NKAIN3: variants seen among roughly 807,000 people sequenced by gnomAD.
The protein encoded by NKAIN3 is sodium/potassium transporting ATPase interacting 3, also known as sodium/potassium-transporting ATPase subunit beta-1-interacting protein 3.
NKAIN3 carries 25 observed loss-of-function variants against 30.2 expected under a neutral mutation model. The ratio of observed to expected loss-of-function variants is 0.83; its 90% CI spans 0.60 to 1.16. NKAIN3 has a LOEUF of 1.16. Ranked by LOEUF, NKAIN3 falls within the 50% of genes most tolerant of loss-of-function variation. NKAIN3 has a pLI of 0.00. For synonymous variants in NKAIN3, 91 were observed against 89.6 expected, an observed-to-expected ratio of 1.02 and a Z score of -0.09; for missense variants, 225 against 254.1, an observed-to-expected ratio of 0.89 and a Z score of 0.78.
At chr8:62,270,185 T>A (rs1002312704) in intron 1 of NKAIN3, among the ~76,000 whole-genome samples, 3 of 152,102 alleles carry the variant, frequency 2.0e-5, no homozygotes, top group Non-Finnish European at 4.4e-5. Context: ...GCTCAAGTGA[T>A]CCTCCCACCT....
intron 3 of NKAIN3, among the ~76,000 whole-genome samples, chr8:62,705,712 T>C (rs1381846154): frequency 6.6e-6 from 1 of 152,192 alleles, no homozygotes; most frequent in Non-Finnish European, 1.5e-5. Flanking sequence ...ATCTTTCTAT[T>C]GAATTTTTCG....
At chr8:62,783,797 AT>A (rs1817431821) in intron 4 of NKAIN3, among the ~76,000 whole-genome samples, 1 of 151,594 alleles carries the variant, frequency 6.6e-6, no homozygotes, top group East Asian at 2.0e-4. Context: ...TAAATTTTTT[AT>A]TTTTTTGTGG....
At chr8:62,435,985 T>G (rs1805161150) in intron 1 of NKAIN3, among the ~76,000 whole-genome samples, 1 of 152,200 alleles carries the variant, frequency 6.6e-6, no homozygotes, top group South Asian at 2.1e-4. Flanking sequence ...CACAATTAAT[T>G]GTACTCTATT....
At chr8:62,806,501 G>T (rs1818286961) in intron 4 of NKAIN3, among the ~76,000 whole-genome samples, 2 of 152,168 alleles carry the variant, frequency 1.3e-5, no homozygotes, top group Non-Finnish European at 2.9e-5. Flanking sequence ...CATGTCCTTT[G>T]TAGGGACATG....
chr8:62,882,253 AGT>A (rs1401399749), intron 4 of NKAIN3, among the ~76,000 whole-genome samples: 3 of 152,158 alleles, frequency 2.0e-5, no homozygotes, highest in African/African-American at 7.2e-5. Flanking sequence ...ATTTTAATTA[AGT>A]TCAGCTTATA....
chr8:62,635,154 A>C (rs1256772939), intron 3 of NKAIN3, among the ~76,000 whole-genome samples: 1 of 152,124 alleles, frequency 6.6e-6, no homozygotes, highest in Non-Finnish European at 1.5e-5. Context: ...CATCCGAAGA[A>C]TAAAAAATAA....
intron 4 of NKAIN3, among the ~76,000 whole-genome samples, chr8:62,883,277 T>G (rs578250619): frequency 1.3e-5 from 2 of 152,252 alleles, no homozygotes; most frequent in South Asian, 4.1e-4. Flanking sequence ...TTGTGCATAT[T>G]TTGTTAGATT....
At position 62,736,211 on chromosome 8, in the gene NKAIN3, T is replaced by C. The variant is rs181784178; in HGVS notation, c.274-10721T>C. Among the ~76,000 whole-genome samples, 422 of 152,292 alleles carry C rather than the reference T, an allele frequency of 2.8e-3. 3 individuals are homozygous for C. The highest frequency in any genetic ancestry group is 9.8e-3 in the African/African-American group (407 of 41,570). ...TGCCCTAGGGTCACCTGGATAAGTTTCTCAGGTAGTGGGCAGGATCATAGA... is the reference window on the plus strand; with the variant it reads ...TGCCCTAGGGTCACCTGGATAAGTTCCTCAGGTAGTGGGCAGGATCATAGA... On this transcript the variant is annotated intron_variant, in intron 3 of 6. Coordinates refer to ENST00000623646, the MANE Select transcript of NKAIN3 (RefSeq NM_001304533.3).
intron 1 of NKAIN3, among the ~76,000 whole-genome samples, chr8:62,401,378 T>C (rs2129595254): frequency 6.6e-6 from 1 of 152,274 alleles, no homozygotes. Context: ...AACAACTATT[T>C]TGAATTTTCT....
intron 1 of NKAIN3, among the ~76,000 whole-genome samples, chr8:62,444,858 T>TA (rs1158140149): frequency 6.6e-6 from 1 of 152,200 alleles, no homozygotes; most frequent in Non-Finnish European, 1.5e-5. Flanking sequence ...TCCACATTCT[T>TA]ACCAGCATCC....
intron 1 of NKAIN3, among the ~76,000 whole-genome samples, chr8:62,252,543 T>G (rs1237625508): frequency 6.6e-6 from 1 of 152,206 alleles, no homozygotes; most frequent in Non-Finnish European, 1.5e-5. Flanking sequence ...TCTTTCATCA[T>G]TAGTTTTTCT....
chr8:62,410,817 G>A (rs1804213999), intron 1 of NKAIN3, among the ~76,000 whole-genome samples: 1 of 152,006 alleles, frequency 6.6e-6, no homozygotes, highest in South Asian at 2.1e-4. Flanking sequence ...AGAAGGAAGA[G>A]ATTAAAACCA....
chr8:62,872,222 G>T (rs1451971506), intron 4 of NKAIN3, among the ~76,000 whole-genome samples: 1 of 152,202 alleles, frequency 6.6e-6, no homozygotes, highest in Non-Finnish European at 1.5e-5. Flanking sequence ...ACAGCGAAAA[G>T]CACCTGATGA....
chr8:62,714,623 A>G (rs1397694934), intron 3 of NKAIN3, among the ~76,000 whole-genome samples: 1 of 152,204 alleles, frequency 6.6e-6, no homozygotes, highest in Non-Finnish European at 1.5e-5. Context: ...AGTCATGTTA[A>G]CAATAGTTAA....
intron 3 of NKAIN3, among the ~76,000 whole-genome samples, chr8:62,703,066 A>G (rs1252053808): frequency 6.6e-6 from 1 of 152,182 alleles, no homozygotes; most frequent in Non-Finnish European, 1.5e-5. Context: ...GCACTATTAG[A>G]GTAATATATT....
In NKAIN3 at chr8:62,255,316, A is replaced by T. The variant is rs1405184458; in HGVS notation, c.54+6189A>T. 2.6e-5 allele frequency among the ~76,000 whole-genome samples: 4 copies of T among 152,214 alleles called. No individual in the cohort carries two copies. In the East Asian group the frequency reaches 7.7e-4, roughly 29 times the overall value. On this transcript the variant is annotated intron_variant, in intron 1 of 6. Coordinates refer to ENST00000623646, the MANE Select transcript of NKAIN3 (RefSeq NM_001304533.3). ...GACAAGATGTTACTGAGCTAGAGAG[A>T]CAGTAGACCTTCCCTTTTTTCCAAG...
intron 3 of NKAIN3, among the ~76,000 whole-genome samples, chr8:62,604,428 A>G (rs182561548): frequency 3.6e-4 from 55 of 152,284 alleles, no homozygotes; most frequent in African/African-American, 1.3e-3. Context: ...TAAAATCAGT[A>G]TATTGAAACA....
chr8:62,887,485 T>C (rs145641212), intron 4 of NKAIN3, among the ~76,000 whole-genome samples: 2 of 152,020 alleles, frequency 1.3e-5, no homozygotes, highest in African/African-American at 4.8e-5. Context: ...CTCCTTCTGC[T>C]CTTCTTATTA....
chr8:62,718,912 T>C (rs1814993434), intron 3 of NKAIN3, among the ~76,000 whole-genome samples: 1 of 152,236 alleles, frequency 6.6e-6, no homozygotes, highest in African/African-American at 2.4e-5. Flanking sequence ...TAAATATTTA[T>C]TACCTGCTCA....
Sources: gnomAD v4.1 joint callset for allele counts (sites outside exome capture counted in the v4.1 genomes callset) on GRCh38, gnomAD v4.1.1 for gene constraint, MANE v1.5 for transcripts, NCBI Gene and HGNC (gene_info 2026-07-23, HGNC 2026-07-21) for gene names.